The following PAN3 variants were observed in gnomAD, a reference collection of about 807,000 sequenced individuals.
The protein encoded by PAN3 is PAN2-PAN3 deadenylation complex subunit PAN3.
In PAN3, 19 loss-of-function variants were observed where a neutral mutation model predicts 96.2. The ratio of observed to expected loss-of-function variants is 0.20; its 90% CI spans 0.14 to 0.29. The LOEUF (loss-of-function observed/expected upper bound fraction) is 0.29. Ranked by LOEUF, PAN3 falls within the 10% of genes least tolerant of loss-of-function variation. The pLI is 1.00. For missense variants in PAN3, 882 were observed against 1,108.1 expected, an observed-to-expected ratio of 0.80 and a Z score of 2.90; for synonymous variants, 433 against 406.6, an observed-to-expected ratio of 1.06 and a Z score of -0.78.
chr13:28,189,590 A>G (rs1470362835), intron 4 of PAN3, among the ~76,000 whole-genome samples: 2 of 152,152 alleles, frequency 1.3e-5, no homozygotes, highest in South Asian at 2.1e-4. Context: ...AGGAGCTACA[A>G]GGACTTGCGA....
chr13:28,201,191 C>T (rs1309140039), intron 5 of PAN3, among the ~76,000 whole-genome samples: 2 of 151,424 alleles, frequency 1.3e-5, no homozygotes, highest in Non-Finnish European at 2.9e-5. Flanking sequence ...CATATCACTG[C>T]ACCCACCTAA....
intron 1 of PAN3, among the ~76,000 whole-genome samples, chr13:28,167,976 G>A (rs772359019): frequency 1.3e-5 from 2 of 152,170 alleles, no homozygotes; most frequent in South Asian, 4.1e-4. Flanking sequence ...TCCCTTGAAA[G>A]TTTGCCTCAC....
chr13:28,225,747 A>G (rs115363122), intron 6 of PAN3, among the ~76,000 whole-genome samples: 275 of 152,148 alleles, frequency 1.8e-3, no homozygotes, highest in African/African-American at 6.2e-3. Flanking sequence ...TTTTTGCTGA[A>G]TGGGAAAAAA....
intron 14 of PAN3, 91 bp from the exon 15 acceptor site, chr13:28,277,146 G>T: frequency 3.9e-6 from 5 of 1,276,332 alleles, no homozygotes; most frequent in Non-Finnish European, 5.4e-6. Flanking sequence ...TATTTATAAT[G>T]ATGCTTTTTC....
intron 6 of PAN3, among the ~76,000 whole-genome samples, chr13:28,254,793 A>G (rs568303442): frequency 6.6e-6 from 1 of 152,206 alleles, no homozygotes; most frequent in African/African-American, 2.4e-5. Flanking sequence ...TTTTAATCTC[A>G]ATGCAGTAGA....
intron 6 of PAN3, among the ~76,000 whole-genome samples, chr13:28,248,349 T>C (rs145714261): frequency 7.9e-4 from 121 of 152,304 alleles, no homozygotes; most frequent in African/African-American, 2.7e-3. Context: ...AAATATAATA[T>C]CACGTTGCCT....
At chr13:28,251,715 T>C (rs909218871) in intron 6 of PAN3, among the ~76,000 whole-genome samples, 1 of 152,196 alleles carries the variant, frequency 6.6e-6, no homozygotes, top group Non-Finnish European at 1.5e-5. Flanking sequence ...TTAGTTTCAT[T>C]TTCTGTATTC....
At chr13:28,169,148 C>G (rs948199428) in intron 1 of PAN3, among the ~76,000 whole-genome samples, 3 of 151,208 alleles carry the variant, frequency 2.0e-5, no homozygotes, top group African/African-American at 7.3e-5. Context: ...ATTAAGGTCA[C>G]TCACATATCT....
intron 5 of PAN3, among the ~76,000 whole-genome samples, chr13:28,201,135 A>G (rs980348366): frequency 1.3e-5 from 2 of 151,786 alleles, no homozygotes; most frequent in South Asian, 4.2e-4. Flanking sequence ...CCTGTGCTCA[A>G]GCGATCCTCC....
chr13:28,243,902 G>A (rs1462630029), intron 6 of PAN3, among the ~76,000 whole-genome samples: 2 of 152,122 alleles, frequency 1.3e-5, no homozygotes, highest in African/African-American at 4.8e-5. Flanking sequence ...TGGTCAGGCT[G>A]GTCTCGAACT....
At chr13:28,155,312 C>G (rs915531188) in intron 1 of PAN3, among the ~76,000 whole-genome samples, 3 of 152,048 alleles carry the variant, frequency 2.0e-5, no homozygotes, top group African/African-American at 4.8e-5. Context: ...AAAGACATAT[C>G]AGGCCGGACA....
chr13:28,153,850 G>A (rs1871725793), intron 1 of PAN3, among the ~76,000 whole-genome samples: 1 of 152,128 alleles, frequency 6.6e-6, no homozygotes. Flanking sequence ...CCATGGGTTT[G>A]GATGATCTTA....
intron 4 of PAN3, among the ~76,000 whole-genome samples, chr13:28,189,137 T>C (rs1876873703): frequency 1.3e-5 from 2 of 152,306 alleles, no homozygotes; most frequent in East Asian, 3.9e-4. Flanking sequence ...CCCTTAGCCC[T>C]AAACCACTGG....
chr13:28,264,619 T>G (rs187226810), intron 9 of PAN3, among the ~76,000 whole-genome samples: 22 of 152,318 alleles, frequency 1.4e-4, no homozygotes, highest in African/African-American at 5.1e-4. Context: ...CACCATTGAT[T>G]TGTAAGTTGT....
chr13:28,203,724 T>C (rs1412994567), intron 5 of PAN3, among the ~76,000 whole-genome samples: 1 of 152,210 alleles, frequency 6.6e-6, no homozygotes. Context: ...TATTTTTTAA[T>C]CTTTTAAGCC....
chr13:28,156,222 G>A (rs1161934908), intron 1 of PAN3, among the ~76,000 whole-genome samples: 3 of 152,034 alleles, frequency 2.0e-5, no homozygotes, highest in African/African-American at 7.2e-5. Flanking sequence ...AAATGACAAA[G>A]GGGACATTAC....
At chr13:28,236,565 G>A (rs1883132972) in intron 6 of PAN3, among the ~76,000 whole-genome samples, 1 of 152,170 alleles carries the variant, frequency 6.6e-6, no homozygotes, top group Non-Finnish European at 1.5e-5. Flanking sequence ...TTAAAGGAAG[G>A]ATAAGATTTT....
chr13:28,284,181 C>T (rs369457635), intron 17 of PAN3, among the ~76,000 whole-genome samples: 1 of 152,228 alleles, frequency 6.6e-6, no homozygotes, highest in East Asian at 1.9e-4. Flanking sequence ...TTTTTGTCAA[C>T]CTTGTAGGTG....
intron 6 of PAN3, among the ~76,000 whole-genome samples, chr13:28,223,287 A>G (rs118101480): frequency 0.019 from 2,959 of 152,320 alleles, 54 homozygotes; most frequent in Non-Finnish European, 0.028. Flanking sequence ...AATTGTATAC[A>G]CACTCATTTT....
Sources: allele counts gnomAD v4.1 joint callset (sites outside exome capture counted in the v4.1 genomes callset), GRCh38; gene constraint gnomAD v4.1.1; transcripts MANE v1.5; gene names NCBI Gene and HGNC (gene_info 2026-07-23, HGNC 2026-07-21).